The following PATL1 variants were observed in gnomAD, a reference collection of about 807,000 sequenced individuals.
The protein encoded by PATL1 is PAT1 homolog 1, processing body mRNA decay factor.
PATL1 carries 32 observed loss-of-function variants against 100.6 expected under a neutral mutation model. The ratio of observed to expected loss-of-function variants is 0.32; its 90% CI spans 0.24 to 0.43. The LOEUF (loss-of-function observed/expected upper bound fraction) is 0.43, where lower values mean the gene tolerates loss of function less well. PATL1 is among the 20% of genes least tolerant of loss of function. The pLI is 1.00. For missense variants in PATL1, 747 were observed against 949.9 expected (o/e 0.79, Z 2.81); for synonymous variants, 332 against 330.0 (o/e 1.01, Z -0.07).
At chr11:59,642,736 A>T in intron 16 of PATL1, 144 bp downstream of exon 16, 2 of 849,940 alleles carry the variant, frequency 2.4e-6, no homozygotes, top group Non-Finnish European at 3.6e-6. Context: ...TGTTATTTCT[A>T]GCCGGTTACT....
intron 2 of PATL1, among the ~76,000 whole-genome samples, chr11:59,666,592 C>G (rs1861694487): frequency 6.6e-6 from 1 of 152,102 alleles, no homozygotes; most frequent in Non-Finnish European, 1.5e-5. Context: ...ATAGGGGCAA[C>G]CTGTAGTCAT....
Position 59,642,644 on chromosome 11 carries a change from TG to T in PATL1, c.2049+235del, listed in dbSNP as rs140750030. ...GCAGAGGAAAAAAAGTGAAAAAGCC[TG>T]GATCCCTGATGACTCTGTCGAGCTA... On this transcript the variant is annotated intron_variant, in intron 16 of 18. Transcript: ENST00000300146. 3,659 of 381,288 alleles carry T rather than the reference TG, an allele frequency of 9.6e-3. 115 individuals carry two copies. The highest frequency in any genetic ancestry group is 0.07 in the African/African-American group (3,364 of 47,922). The allele number at this position is 381,288 out of a possible 1,614,324, so 23.6% of individuals were successfully genotyped here. A position where few individuals can be genotyped will look rare whatever the true frequency, so the allele number is the denominator to read the frequency against.
intron 9 of PATL1, 96 bp from the exon 10 acceptor site, chr11:59,653,114 T>TTA: frequency 7.4e-5 from 75 of 1,008,364 alleles, no homozygotes; most frequent in African/African-American, 7.4e-4. Flanking sequence ...TTTTTTTTTT[T>TTA]AAAGATTCCC....
chr11:59,650,143 A>T (rs2134746393), intron 13 of PATL1, among the ~76,000 whole-genome samples: 1 of 151,892 alleles, frequency 6.6e-6, no homozygotes, highest in South Asian at 2.1e-4. Flanking sequence ...AAAAAAAAAA[A>T]AAAAGCAATC....
intron 15 of PATL1, 80 bp from the exon 16 acceptor site, chr11:59,643,115 T>A: frequency 6.9e-7 from 1 of 1,449,214 alleles, no homozygotes; most frequent in Non-Finnish European, 9.4e-7. Context: ...GATGGAAGGA[T>A]GTTCATTTGT....
At chr11:59,644,344 G>GA (rs1480890974) in intron 15 of PATL1, among the ~76,000 whole-genome samples, 2 of 144,924 alleles carry the variant, frequency 1.4e-5, no homozygotes, top group Non-Finnish European at 2.9e-5. Context: ...CATTTCTCAG[G>GA]AAAGAATTTT....
At chr11:59,651,834 G>A (rs576128520) in intron 11 of PATL1, among the ~76,000 whole-genome samples, 193 bp from the exon 12 acceptor site, 2 of 151,420 alleles carry the variant, frequency 1.3e-5, no homozygotes, top group African/African-American at 4.8e-5. Flanking sequence ...GGAGGCCGAG[G>A]GGGGTAGATC....
At chr11:59,648,059 T>G (rs1861387796) in intron 14 of PATL1, 146 bp from the exon 15 acceptor site, 1 of 550,632 alleles carries the variant, frequency 1.8e-6, no homozygotes, top group Non-Finnish European at 2.8e-6. Flanking sequence ...GAATCACTTC[T>G]CCAAATCTCA....
At chr11:59,663,546 A>T (rs991765130) in intron 2 of PATL1, among the ~76,000 whole-genome samples, 2 of 152,156 alleles carry the variant, frequency 1.3e-5, no homozygotes, top group African/African-American at 2.4e-5. Flanking sequence ...TGAGGATAAT[A>T]ATAGTACCTA....
At chr11:59,660,564 T>C (rs1861613310) in intron 2 of PATL1, among the ~76,000 whole-genome samples, 1 of 151,994 alleles carries the variant, frequency 6.6e-6, no homozygotes, top group South Asian at 2.1e-4. Context: ...AGAGGGACAG[T>C]CAGTATAAAG....
chr11:59,663,962 T>A (rs1343613342), intron 2 of PATL1, among the ~76,000 whole-genome samples: 1 of 152,214 alleles, frequency 6.6e-6, no homozygotes, highest in Non-Finnish European at 1.5e-5. Context: ...TTTCTTTTTA[T>A]AGTATTTACA....
rs748019832 is a variant in PATL1 at position 59,652,064 on chromosome 11, C to CAAAAAAAAAA, written c.1426+390_1426+399dup. On this transcript the variant is annotated intron_variant, in intron 11 of 18. Transcript: ENST00000300146. ...TGGACAACAGAGTAAGGCTCTTTCT[C>CAAAAAAAAAA]AAAAAAAAAAAAAAAAAAAAAAAAA... Among the ~76,000 whole-genome samples the CAAAAAAAAAA allele has an allele frequency of 3.8e-3, 199 of 52,996 alleles. 10 individuals are homozygous for CAAAAAAAAAA. The highest frequency in any genetic ancestry group is 0.012 in the African/African-American group (163 of 14,064). 34.8% of individuals were successfully genotyped at this position (52,996 alleles called of 152,430 possible).
At chr11:59,655,918 G>T in intron 7 of PATL1, 38 bp downstream of exon 7, 1 of 1,480,264 alleles carries the variant, frequency 6.8e-7, no homozygotes, top group Non-Finnish European at 9.3e-7. Flanking sequence ...TAGGAAAGTA[G>T]GAGAGTTCTT....
At chr11:59,638,547 G>T in intron 18 of PATL1, 136 bp from the exon 19 acceptor site, 2 of 854,808 alleles carry the variant, frequency 2.3e-6, no homozygotes, top group African/African-American at 1.7e-5. Context: ...CTTAGCATTT[G>T]GTCATCTTTT....
At chr11:59,653,078 A>T in intron 9 of PATL1, 60 bp from the exon 10 acceptor site, 1 of 1,414,800 alleles carries the variant, frequency 7.1e-7, no homozygotes, top group South Asian at 1.4e-5. Flanking sequence ...TTTTAACAAC[A>T]GAGGAATAAA....
At chr11:59,650,590 C>A (rs1861428368) in intron 13 of PATL1, among the ~76,000 whole-genome samples, 164 bp downstream of exon 13, 1 of 152,174 alleles carries the variant, frequency 6.6e-6, no homozygotes, top group African/African-American at 2.4e-5. Flanking sequence ...ATACCATAAT[C>A]CTTTCCAAAG....
At chr11:59,667,072 A>G in intron 1 of PATL1, 108 bp from the exon 2 acceptor site, 1 of 1,429,860 alleles carries the variant, frequency 7.0e-7, no homozygotes, top group Non-Finnish European at 9.1e-7. Context: ...TTGCTTCATT[A>G]TGACTTTTTG....
intron 12 of PATL1, among the ~76,000 whole-genome samples, 185 bp downstream of exon 12, chr11:59,651,359 C>T (rs1861440989): frequency 6.6e-6 from 1 of 152,176 alleles, no homozygotes; most frequent in South Asian, 2.1e-4. Flanking sequence ...CCCTGCCTGG[C>T]TGCCTTAGAA....
At chr11:59,638,447 A>T in intron 18 of PATL1, 36 bp from the exon 19 acceptor site, 1 of 1,575,568 alleles carries the variant, frequency 6.3e-7, no homozygotes. Flanking sequence ...AAATTGTATA[A>T]ATGAGTTAAA....
Sources: allele counts gnomAD v4.1 joint callset (sites outside exome capture counted in the v4.1 genomes callset), GRCh38; gene constraint gnomAD v4.1.1; transcripts MANE v1.5; gene names NCBI Gene and HGNC (gene_info 2026-07-23, HGNC 2026-07-21).